Variants in FSTL4 observed in about 807,000 individuals in gnomAD.
The protein encoded by FSTL4 is follistatin like 4.
FSTL4 carries 28 observed loss-of-function variants against 78.2 expected under a neutral mutation model. That is an observed-to-expected ratio of 0.36 (90% CI 0.27 to 0.49). The LOEUF (loss-of-function observed/expected upper bound fraction) is 0.49, where lower values mean the gene tolerates loss of function less well. Ranked by LOEUF, FSTL4 falls within the 20% of genes least tolerant of loss-of-function variation. The pLI is 0.98. For synonymous variants in FSTL4, 422 were observed against 440.5 expected (o/e 0.96, Z 0.53); for missense variants, 922 against 1,084.9 (o/e 0.85, Z 2.11).
At chr5:133,451,211 C>T (rs1356874883) in intron 3 of FSTL4, among the ~76,000 whole-genome samples, 1 of 152,300 alleles carries the variant, frequency 6.6e-6, no homozygotes, top group South Asian at 2.1e-4. Context: ...CTGAGGGTCA[C>T]TGTTTCCCTT....
chr5:133,781,466 C>CA, the FSTL4 span, among the ~76,000 whole-genome samples: 1 of 150,190 alleles, frequency 6.7e-6, no homozygotes, highest in Non-Finnish European at 1.5e-5. Context: ...TAGGAAGGGC[C>CA]AGAGGGATGT....
intron 6 of FSTL4, among the ~76,000 whole-genome samples, chr5:133,294,760 C>T (rs1753349170): frequency 6.6e-6 from 1 of 152,130 alleles, no homozygotes; most frequent in African/African-American, 2.4e-5. Flanking sequence ...TATCCAGACT[C>T]CAAGAATTCT....
chr5:133,779,244 C>T, the FSTL4 span, among the ~76,000 whole-genome samples: 1 of 152,144 alleles, frequency 6.6e-6, no homozygotes, highest in Non-Finnish European at 1.5e-5. Flanking sequence ...CTCCTGTCCC[C>T]TAATGGTCCA....
At chr5:133,358,590 T>C (rs1374669107) in intron 4 of FSTL4, among the ~76,000 whole-genome samples, 3 of 144,706 alleles carry the variant, frequency 2.1e-5, no homozygotes, top group Non-Finnish European at 4.5e-5. Context: ...GGGTTCTATT[T>C]CTTTTTTTTT....
chr5:133,470,514 G>A (rs1455914144), intron 3 of FSTL4, among the ~76,000 whole-genome samples: 1 of 152,142 alleles, frequency 6.6e-6, no homozygotes, highest in Non-Finnish European at 1.5e-5. Context: ...GGACGCTGAG[G>A]CAGGCGGATC....
chr5:133,232,522 T>C (rs1232879670), intron 8 of FSTL4, among the ~76,000 whole-genome samples: 1 of 152,128 alleles, frequency 6.6e-6, no homozygotes, highest in Non-Finnish European at 1.5e-5. Flanking sequence ...ACACCAACAA[T>C]CACCCCCGTA....
intron 3 of FSTL4, among the ~76,000 whole-genome samples, chr5:133,476,383 T>A (rs1757925828): frequency 6.6e-6 from 1 of 152,232 alleles, no homozygotes; most frequent in East Asian, 1.9e-4. Context: ...ATGGCTGACA[T>A]GGGCTTGACA....
Position 133,400,769 on chromosome 5 carries a change from G to A in FSTL4, c.378C>T (p.Thr126=), listed in dbSNP as rs767881494. The A allele has an allele frequency of 5.0e-6, 8 of 1,613,956 alleles. No individual in the cohort carries two copies. Among genetic ancestry groups the A allele is most frequent in the South Asian group, 3.3e-5 (3 of 91,078 alleles). Residue 126 remains threonine (T), a synonymous_variant, in exon 4 of 16, where the codon ACC becomes ACT. Transcript: ENST00000265342. ...RAACLLGKRI[T]VIHSKDCFLK... The stretch of plus-strand genomic sequence containing the variant: ...GGAAACAGTCCTTGCTGTGGATGAC[G>A]GTGATCCTCTTTCCCAGGAGGCAAG...
At chr5:133,532,190 C>T (rs1271819885) in intron 3 of FSTL4, among the ~76,000 whole-genome samples, 1 of 152,114 alleles carries the variant, frequency 6.6e-6, no homozygotes, top group Non-Finnish European at 1.5e-5. Context: ...GGCCACAAGC[C>T]AAGAAGGCAG....
rs996344480 is a variant in FSTL4, at chr5:133,285,912, C to T, written c.727+26742G>A. 2.6e-5 allele frequency among the ~76,000 whole-genome samples: 4 copies of T among 152,238 alleles called. No homozygotes were observed. The East Asian group carries it at 5.8e-4, about 22-fold the overall frequency. ...GGCTGTCAGCACTCTCAGGGTTGAC[C>T]ACTTGCCCAGAGCACGAAGTCCTAG... On this transcript the variant is annotated intron_variant, in intron 6 of 15. Coordinates refer to ENST00000265342, the MANE Select transcript of FSTL4 (RefSeq NM_015082.2).
the FSTL4 span, among the ~76,000 whole-genome samples, chr5:133,639,124 C>T: frequency 6.6e-6 from 1 of 152,082 alleles, no homozygotes; most frequent in Admixed American, 6.6e-5. Context: ...TCTCCTTCCC[C>T]TTGTTCCCCA....
At chr5:133,569,319 G>A (rs906242806) in intron 2 of FSTL4, among the ~76,000 whole-genome samples, 1 of 152,128 alleles carries the variant, frequency 6.6e-6, no homozygotes. Context: ...TTCATACTGC[G>A]CACCCTTGTC....
At chr5:133,457,376 T>C (rs25876) in intron 3 of FSTL4, among the ~76,000 whole-genome samples, 67,370 of 152,066 alleles carry the variant, frequency 0.44, 15,350 homozygotes, top group African/African-American at 0.51. Context: ...CTGGGCAGGA[T>C]ATCACGGGCC....
intron 3 of FSTL4, among the ~76,000 whole-genome samples, chr5:133,525,006 C>T (rs1237057882): frequency 6.6e-6 from 1 of 152,210 alleles, no homozygotes; most frequent in East Asian, 1.9e-4. Context: ...CTTCATGGAT[C>T]AGAAAGTCCT....
chr5:133,829,451 C>T, the FSTL4 span, among the ~76,000 whole-genome samples: 1 of 152,166 alleles, frequency 6.6e-6, no homozygotes, highest in Non-Finnish European at 1.5e-5. Flanking sequence ...AAAACCCAAA[C>T]CAAACAGCTC....
chr5:133,493,243 C>A (rs1348910926), intron 3 of FSTL4, among the ~76,000 whole-genome samples: 1 of 152,170 alleles, frequency 6.6e-6, no homozygotes, highest in African/African-American at 2.4e-5. Context: ...TCCTTATGAT[C>A]TGCAATTTTA....
chr5:133,216,304 C>G (rs954004127), intron 13 of FSTL4, among the ~76,000 whole-genome samples: 1 of 152,160 alleles, frequency 6.6e-6, no homozygotes, highest in African/African-American at 2.4e-5. Flanking sequence ...TCTTCCTGTT[C>G]TTTTGAGACA....
At position 133,426,192 on chromosome 5, in the gene FSTL4, G is replaced by A. The variant is rs762454457; in HGVS notation, c.161-25206C>T. Among the ~76,000 whole-genome samples, 1 of 152,222 alleles carries A rather than the reference G, an allele frequency of 6.6e-6. No homozygotes were observed. ...CAGTTAGGAATTTTTAAAGCACAGA[G>A]TGTGCTAGCAGAAGACAGAGTGTTG... On this transcript the variant is annotated intron_variant, in intron 3 of 15. Transcript: ENST00000265342. The surrounding 1 kb of genome is among the most constrained non-coding windows in gnomAD (Gnocchi z 5.0).
At chr5:133,505,242 G>T (rs980439295) in intron 3 of FSTL4, among the ~76,000 whole-genome samples, 1 of 152,016 alleles carries the variant, frequency 6.6e-6, no homozygotes, top group South Asian at 2.1e-4. Context: ...TTCTAAAAAG[G>T]ACAAGTTTTG....
Sources: gnomAD v4.1 joint callset for allele counts (sites outside exome capture counted in the v4.1 genomes callset) on GRCh38, gnomAD v4.1.1 for gene constraint, Gnocchi (gnomAD v3.1) non-coding constraint, MANE v1.5 for transcripts, NCBI Gene and HGNC (gene_info 2026-07-23, HGNC 2026-07-21) for gene names.